GALNT13: variants seen among roughly 807,000 people sequenced by gnomAD.
The protein encoded by GALNT13 is polypeptide N-acetylgalactosaminyltransferase 13, also known as UDP-GalNAc:polypeptide N-acetylgalactosaminyltransferase 13.
GALNT13 carries 28 observed loss-of-function variants against 64.2 expected under a neutral mutation model. The ratio of observed to expected loss-of-function variants is 0.44; its 90% CI spans 0.32 to 0.60. GALNT13 has a LOEUF of 0.60. Ranked by LOEUF, GALNT13 falls within the 20% of genes least tolerant of loss-of-function variation. The probability of loss-of-function intolerance (pLI) is 0.05; values close to 1 mark genes in which losing one functional copy is unlikely to be tolerated. For synonymous variants in GALNT13, 214 were observed against 224.6 expected, an observed-to-expected ratio of 0.95 and a Z score of 0.42; for missense variants, 577 against 669.8, an observed-to-expected ratio of 0.86 and a Z score of 1.53.
At chr2:153,083,804 C>A in the GALNT13 span, among the ~76,000 whole-genome samples, 1 of 152,198 alleles carries the variant, frequency 6.6e-6, no homozygotes. Context: ...CTCATGAAAT[C>A]TTTGCCTAAG....
At chr2:154,286,728 G>C (rs1407729246) in intron 8 of GALNT13, 2 of 316,166 alleles carry the variant, frequency 6.3e-6, no homozygotes, top group African/African-American at 4.3e-5. Flanking sequence ...GTGGCATACA[G>C]GACATTGTGG....
the GALNT13 span, among the ~76,000 whole-genome samples, chr2:153,086,088 C>T: frequency 1.4e-4 from 22 of 152,288 alleles, no homozygotes; most frequent in South Asian, 1.2e-3. Context: ...GTAGCCCCTT[C>T]GTTTTGTCCA....
intron 2 of GALNT13, among the ~76,000 whole-genome samples, chr2:153,928,053 G>A (rs745836654): frequency 4.0e-5 from 6 of 151,782 alleles, no homozygotes; most frequent in Non-Finnish European, 8.8e-5. Flanking sequence ...ATGCTACTGG[G>A]GGTTCTTTTG....
At chr2:154,129,801 G>A (rs1161273623) in intron 3 of GALNT13, among the ~76,000 whole-genome samples, 1 of 151,792 alleles carries the variant, frequency 6.6e-6, no homozygotes, top group African/African-American at 2.4e-5. Flanking sequence ...ATGAACATGG[G>A]GCCTGTTGCG....
intron 8 of GALNT13, among the ~76,000 whole-genome samples, chr2:154,280,718 A>G (rs2105939029): frequency 6.6e-6 from 1 of 152,304 alleles, no homozygotes; most frequent in Admixed American, 6.5e-5. Context: ...TGATATTCAA[A>G]GGGGACTGGT....
intron 3 of GALNT13, among the ~76,000 whole-genome samples, chr2:153,963,767 GTGTGTGT>G (rs1693122596): frequency 6.7e-6 from 1 of 148,680 alleles, no homozygotes; most frequent in African/African-American, 2.5e-5. Context: ...GTGTGTGTGT[GTGTGTGT>G]GTGTGTGTTT....
At chr2:153,538,463 C>T in the GALNT13 span, among the ~76,000 whole-genome samples, 53 of 125,392 alleles carry the variant, frequency 4.2e-4, no homozygotes, top group African/African-American at 1.6e-3. Flanking sequence ...CATATGTATA[C>T]ATGTGCCATG....
chr2:153,299,257 T>C, the GALNT13 span, among the ~76,000 whole-genome samples: 9 of 152,188 alleles, frequency 5.9e-5, no homozygotes, highest in African/African-American at 1.9e-4. Context: ...ATTTGCAACG[T>C]TGTTTCAGAG....
Position 153,960,294 on chromosome 2 carries a change from C to T in GALNT13, c.142+15655C>T, listed in dbSNP as rs571118117. 2.0e-5 allele frequency among the ~76,000 whole-genome samples: 3 copies of T among 152,316 alleles called. No homozygotes were observed. The East Asian group carries it at 5.8e-4, about 29-fold the overall frequency. On this transcript the variant is annotated intron_variant, in intron 3 of 12. Coordinates refer to ENST00000392825, the MANE Select transcript of GALNT13 (RefSeq NM_052917.4). ...CCACTGCCATCTTCTGTCTTTGCCC[C>T]ATGTTGGGTGCCAAGCTGATGCAGG...
At chr2:154,117,683 A>G (rs1265522965) in intron 3 of GALNT13, among the ~76,000 whole-genome samples, 2 of 152,188 alleles carry the variant, frequency 1.3e-5, no homozygotes, top group African/African-American at 4.8e-5. Context: ...AAATAAACCC[A>G]AATATTTACA....
chr2:154,002,133 G>A (rs1024002016), intron 3 of GALNT13, among the ~76,000 whole-genome samples: 2 of 152,010 alleles, frequency 1.3e-5, no homozygotes, highest in Non-Finnish European at 2.9e-5. Context: ...TAATTATGAT[G>A]TGCCTTGGTG....
At chr2:153,120,069 A>T in the GALNT13 span, among the ~76,000 whole-genome samples, 1 of 152,224 alleles carries the variant, frequency 6.6e-6, no homozygotes, top group Non-Finnish European at 1.5e-5. Context: ...TGTTGAATAA[A>T]CAAAGTTTTG....
chr2:153,722,730 T>A, the GALNT13 span, among the ~76,000 whole-genome samples: 2 of 152,186 alleles, frequency 1.3e-5, no homozygotes, highest in African/African-American at 4.8e-5. Context: ...CCTTGACACA[T>A]ACACTCTCCC....
the GALNT13 span, among the ~76,000 whole-genome samples, chr2:153,276,862 A>G: frequency 6.6e-6 from 1 of 152,106 alleles, no homozygotes; most frequent in African/African-American, 2.4e-5. Context: ...TCTAGTGCAC[A>G]TTTTTTAAAA....
At chr2:154,113,108 C>G (rs528088122) in intron 3 of GALNT13, among the ~76,000 whole-genome samples, 1 of 152,286 alleles carries the variant, frequency 6.6e-6, no homozygotes, top group Admixed American at 6.5e-5. Context: ...CATTCAGTTT[C>G]CACCAAAGCC....
chr2:154,222,294 A>G lies in GALNT13; in HGVS notation c.312-19736A>G, dbSNP rs962480353. On this transcript the variant is annotated intron_variant, in intron 4 of 12. Coordinates refer to ENST00000392825, the MANE Select transcript of GALNT13 (RefSeq NM_052917.4). ...AATATCTTCCACAATTAATAATACA[A>G]ATTATTAGCCAATGAGGCAGATCTT... Among the ~76,000 whole-genome samples the G allele has an allele frequency of 2.0e-5, 3 of 152,232 alleles. No homozygotes were observed. In the East Asian group the frequency reaches 5.8e-4, roughly 29 times the overall value.
chr2:154,178,760 A>G (rs1429495325), intron 4 of GALNT13, among the ~76,000 whole-genome samples: 1 of 152,124 alleles, frequency 6.6e-6, no homozygotes, highest in Non-Finnish European at 1.5e-5. Context: ...ATCATGGTCA[A>G]TGTCCTTTCC....
the GALNT13 span, among the ~76,000 whole-genome samples, chr2:153,693,140 G>A: frequency 6.6e-6 from 1 of 152,172 alleles, no homozygotes; most frequent in Non-Finnish European, 1.5e-5. Context: ...CCCAGAGAGA[G>A]TATAGGTTAC....
the GALNT13 span, among the ~76,000 whole-genome samples, chr2:153,221,487 C>A: frequency 6.6e-6 from 1 of 152,172 alleles, no homozygotes; most frequent in Admixed American, 6.5e-5. Context: ...TAAAGATTAT[C>A]ATGGATACAG....
Sources: allele counts gnomAD v4.1 joint callset (sites outside exome capture counted in the v4.1 genomes callset), GRCh38; gene constraint gnomAD v4.1.1; transcripts MANE v1.5; gene names NCBI Gene and HGNC (gene_info 2026-07-23, HGNC 2026-07-21).